Variants in PRKCE observed in about 807,000 individuals in gnomAD.
PRKCE encodes the protein protein kinase C epsilon.
A neutral mutation model predicts 85.4 loss-of-function variants in PRKCE; 16 were observed. The ratio of observed to expected loss-of-function variants is 0.19; its 90% CI spans 0.13 to 0.28. The LOEUF (loss-of-function observed/expected upper bound fraction) is 0.28, where lower values mean the gene tolerates loss of function less well. Among genes scored for constraint, PRKCE ranks in the 10% least tolerant of loss-of-function variants. The pLI is 1.00. For missense variants in PRKCE, 573 were observed against 975.2 expected, an observed-to-expected ratio of 0.59 and a Z score of 5.49; for synonymous variants, 388 against 371.5, an observed-to-expected ratio of 1.04 and a Z score of -0.51.
rs764358959 is a variant in PRKCE, at chr2:45,976,466, C to T, written c.450C>T (p.Arg150=). 6.3e-7 allele frequency: 1 copy of T among 1,599,770 alleles called. No individual in the cohort carries two copies. Among genetic ancestry groups the T allele is most frequent in the Non-Finnish European group, 8.5e-7 (1 of 1,179,952 alleles). The change falls in exon 3 of 15, where the codon CGC becomes CGT. Residue 150 remains arginine (R), a synonymous_variant. Transcript: ENST00000306156. ...KDNEERVFRE[R]MRPRKRQGAV... ...ATGAAGAGCGTGTGTTCAGGGAACG[C>T]ATGCGGCCGAGGAAGCGGCAGGGGG...
At chr2:46,095,208 A>T (rs1670567645) in intron 11 of PRKCE, among the ~76,000 whole-genome samples, 1 of 152,196 alleles carries the variant, frequency 6.6e-6, no homozygotes, top group African/African-American at 2.4e-5. Context: ...GGAACCTCAG[A>T]CTATCACTAT....
At chr2:46,124,564 T>G (rs760247662) in intron 11 of PRKCE, among the ~76,000 whole-genome samples, 2 of 152,198 alleles carry the variant, frequency 1.3e-5, no homozygotes, top group African/African-American at 2.4e-5. Flanking sequence ...CACTTTGTGT[T>G]CATTCCCCAG....
intron 1 of PRKCE, among the ~76,000 whole-genome samples, chr2:45,732,816 C>A (rs965975739): frequency 6.6e-6 from 1 of 152,130 alleles, no homozygotes; most frequent in Non-Finnish European, 1.5e-5. Flanking sequence ...AACAAAAAAC[C>A]GACATGAGTG....
chr2:46,103,625 C>G (rs1357664613), intron 11 of PRKCE, among the ~76,000 whole-genome samples: 1 of 152,162 alleles, frequency 6.6e-6, no homozygotes, highest in Non-Finnish European at 1.5e-5. Flanking sequence ...CCAAACTTAA[C>G]TACTGATGCC....
intron 2 of PRKCE, among the ~76,000 whole-genome samples, chr2:45,880,076 A>G (rs765041418): frequency 2.6e-5 from 4 of 152,094 alleles, no homozygotes; most frequent in Non-Finnish European, 4.4e-5. Flanking sequence ...TACCTCTAGG[A>G]GATCAGCTTC....
At chr2:45,800,902 C>T (rs951836479) in intron 1 of PRKCE, among the ~76,000 whole-genome samples, 1 of 152,120 alleles carries the variant, frequency 6.6e-6, no homozygotes, top group Non-Finnish European at 1.5e-5. Flanking sequence ...ATAATCCACT[C>T]TATGAGAGAG....
chr2:45,662,361 G>A (rs149725144), intron 1 of PRKCE, among the ~76,000 whole-genome samples: 6 of 152,214 alleles, frequency 3.9e-5, no homozygotes, highest in Non-Finnish European at 4.4e-5. Context: ...AATTACAACC[G>A]AGAAGCACAG....
rs1049605041 is a variant in PRKCE, at chr2:46,156,385, T to C, written c.1921-3221T>C. ...TTCTCTCAGGGAGTTCATCACAGTCTCAGCTAATTGATTCTCTGGCAGTTA... is the reference window on the plus strand; with the variant it reads ...TTCTCTCAGGGAGTTCATCACAGTCCCAGCTAATTGATTCTCTGGCAGTTA... On this transcript the variant is annotated intron_variant, in intron 13 of 14. Transcript: ENST00000306156. Among the ~76,000 whole-genome samples the C allele has an allele frequency of 1.3e-5, 2 of 152,348 alleles. 1 individual carries two copies. Among genetic ancestry groups the C allele is most frequent in the East Asian group, 3.9e-4 (2 of 5,192 alleles).
intron 1 of PRKCE, among the ~76,000 whole-genome samples, chr2:45,654,816 A>G (rs892372157): frequency 2.0e-5 from 3 of 152,176 alleles, no homozygotes; most frequent in Admixed American, 1.3e-4. Context: ...GTGGGGACTC[A>G]TTGGCAGGGG....
At chr2:45,739,251 CTGGACATCAT>C (rs1294821681) in intron 1 of PRKCE, among the ~76,000 whole-genome samples, 1 of 152,196 alleles carries the variant, frequency 6.6e-6, no homozygotes, top group Admixed American at 6.5e-5. Flanking sequence ...GTGGCTGGGT[CTGGACATCAT>C]TGGACAGAGG....
At chr2:45,677,685 G>A (rs1035268227) in intron 1 of PRKCE, 2 of 169,126 alleles carry the variant, frequency 1.2e-5, no homozygotes, top group Admixed American at 6.5e-5. Context: ...CTGTGGGATG[G>A]ACTAGACATG....
intron 2 of PRKCE, among the ~76,000 whole-genome samples, chr2:45,860,027 G>T (rs1309058904): frequency 1.3e-5 from 2 of 152,104 alleles, no homozygotes; most frequent in East Asian, 1.9e-4. Flanking sequence ...TACTGGAGCT[G>T]CTTTTATTTC....
intron 10 of PRKCE, among the ~76,000 whole-genome samples, chr2:46,084,234 T>C (rs1287866882): frequency 1.3e-5 from 2 of 152,240 alleles, no homozygotes; most frequent in Non-Finnish European, 2.9e-5. Context: ...GGAATAATTC[T>C]GGAGACTGGA....
intron 1 of PRKCE, among the ~76,000 whole-genome samples, chr2:45,719,579 C>T (rs1228325810): frequency 6.6e-6 from 1 of 152,160 alleles, no homozygotes; most frequent in Non-Finnish European, 1.5e-5. Flanking sequence ...ATCTGAAAGA[C>T]AGGACCAGGA....
intron 1 of PRKCE, among the ~76,000 whole-genome samples, chr2:45,707,359 GGA>G (rs1176585465): frequency 6.6e-6 from 1 of 152,248 alleles, no homozygotes; most frequent in Non-Finnish European, 1.5e-5. Flanking sequence ...TGGAGAGGCA[GGA>G]AGGGTGAGTG....
chr2:46,028,410 GTAT>G (rs1224263483), intron 10 of PRKCE, among the ~76,000 whole-genome samples: 1 of 152,190 alleles, frequency 6.6e-6, no homozygotes, highest in East Asian at 1.9e-4. Flanking sequence ...TTGGCAGTTT[GTAT>G]TATGAAAACC....
intron 12 of PRKCE, among the ~76,000 whole-genome samples, chr2:46,150,134 G>A (rs1676473541): frequency 6.6e-6 from 1 of 152,170 alleles, no homozygotes; most frequent in Non-Finnish European, 1.5e-5. Flanking sequence ...ACAGGTGTGA[G>A]CCATTGCGCC....
chr2:46,073,117 C>T (rs1256351008), intron 10 of PRKCE, among the ~76,000 whole-genome samples: 2 of 152,182 alleles, frequency 1.3e-5, no homozygotes, highest in African/African-American at 4.8e-5. Flanking sequence ...TCATCTGGTC[C>T]AGCCTCTCAG....
chr2:45,807,761 T>C (rs1416569325), intron 1 of PRKCE, among the ~76,000 whole-genome samples: 1 of 152,026 alleles, frequency 6.6e-6, no homozygotes, highest in East Asian at 1.9e-4. Context: ...TCAGACCTCC[T>C]GAGTCAGGAG....
Sources: allele counts gnomAD v4.1 joint callset (sites outside exome capture counted in the v4.1 genomes callset), GRCh38; gene constraint gnomAD v4.1.1; transcripts MANE v1.5; gene names NCBI Gene and HGNC (gene_info 2026-07-23, HGNC 2026-07-21).